DCUN1D5: variants seen among roughly 807,000 people sequenced by gnomAD.
DCUN1D5 encodes DCN1-like protein 5.
Under a neutral mutation model 38.3 loss-of-function variants are expected in DCUN1D5, and 10 were observed. The observed-to-expected ratio is 0.26, with a 90% CI of 0.16 to 0.44. The LOEUF is 0.44. Ranked by LOEUF, DCUN1D5 falls within the 20% of genes least tolerant of loss-of-function variation. The probability of loss-of-function intolerance (pLI) is 1.00; values close to 1 mark genes in which losing one functional copy is unlikely to be tolerated. For synonymous variants in DCUN1D5, 93 were observed against 90.9 expected (o/e 1.02, Z -0.13); for missense variants, 148 against 275.3 (o/e 0.54, Z 3.27).
chr11:103,072,561 C>T (rs1260373833), intron 4 of DCUN1D5, among the ~76,000 whole-genome samples: 1 of 152,032 alleles, frequency 6.6e-6, no homozygotes, highest in Non-Finnish European at 1.5e-5. Context: ...CACATACACA[C>T]CATGGAATAC....
At chr11:103,069,744 T>C (rs1862224935) in intron 4 of DCUN1D5, among the ~76,000 whole-genome samples, 1 of 152,198 alleles carries the variant, frequency 6.6e-6, no homozygotes, top group Non-Finnish European at 1.5e-5. Flanking sequence ...AGGGATATCC[T>C]TCCTTAGATG....
At position 103,062,358 on chromosome 11, in the gene DCUN1D5, G is replaced by C; in HGVS notation, c.*1C>G. 1 of 1,613,330 alleles carries C rather than the reference G, an allele frequency of 6.2e-7. No individual in the cohort carries two copies. On this transcript the variant is annotated 3_prime_UTR_variant, in exon 8 of 8. Transcript: ENST00000260247. The surrounding 1 kb of genome is among the most constrained non-coding windows in gnomAD (Gnocchi z 4.6). ...TTTGCATTTTCTTCACATAGTTCTT[G>C]CTATGATGTCTGACGGACTTTTTGC...
intron 4 of DCUN1D5, among the ~76,000 whole-genome samples, chr11:103,067,322 C>G (rs1434908950): frequency 6.6e-6 from 1 of 152,154 alleles, no homozygotes; most frequent in African/African-American, 2.4e-5. Flanking sequence ...TGGCACAAAT[C>G]TCTAGTTTCA....
intron 4 of DCUN1D5, among the ~76,000 whole-genome samples, chr11:103,067,629 T>C (rs7932736): frequency 0.12 from 18,682 of 152,202 alleles, 1,194 homozygotes; most frequent in African/African-American, 0.14. Context: ...ACTAAGACTA[T>C]ACTAAATCAA....
chr11:103,082,656 T>C (rs1338727460), intron 4 of DCUN1D5, 92 bp downstream of exon 4: 3 of 841,160 alleles, frequency 3.6e-6, no homozygotes, highest in Non-Finnish European at 5.7e-6. Context: ...TGATTTAAGG[T>C]GAAACCTTAC....
Position 103,064,453 on chromosome 11 carries a change from T to C in DCUN1D5, c.556-76A>G, listed in dbSNP as rs780205684. On this transcript the variant is annotated intron_variant, in intron 6 of 7. Coordinates refer to ENST00000260247, the MANE Select transcript of DCUN1D5 (RefSeq NM_032299.4). The surrounding 1 kb of genome is among the most constrained non-coding windows in gnomAD (Gnocchi z 4.5). Reference sequence around the variant, plus strand: ...TTACTCAATTTAGTAAACTAAGTTTTAACTGTTTTTGTGATTTGGTTTTTT... The same window carrying C: ...TTACTCAATTTAGTAAACTAAGTTTCAACTGTTTTTGTGATTTGGTTTTTT... 8.6e-7 allele frequency: 1 copy of C among 1,164,836 alleles called. No individual in the cohort carries two copies. Among genetic ancestry groups the C allele is most frequent in the Non-Finnish European group, 1.2e-6 (1 of 848,682 alleles). The allele number at this position is 1,164,836 out of a possible 1,614,324, so 72.2% of individuals were successfully genotyped here.
At position 103,052,888 on chromosome 11, in the gene DCUN1D5, A is replaced by C. The variant is rs79333291; in HGVS notation, c.*9471T>G. On this transcript the variant is annotated 3_prime_UTR_variant, in exon 8 of 8. Coordinates refer to ENST00000260247, the MANE Select transcript of DCUN1D5 (RefSeq NM_032299.4). ...TTTGATGTCAAGGTGCAAATGTGCA[A>C]GTAGTGGTTTTTAAAACCTGCTATT... 9 of 152,340 alleles carry C rather than the reference A, an allele frequency of 5.9e-5. No individual in the cohort carries two copies. In the East Asian group the frequency reaches 1.5e-3, roughly 26 times the overall value. The allele number at this position is 152,340 out of a possible 1,614,324, so 9.4% of individuals were successfully genotyped here.
At position 103,061,486 on chromosome 11, in the gene DCUN1D5, T is replaced by C. The variant is rs1367425892; in HGVS notation, c.*873A>G. Among the ~76,000 whole-genome samples the C allele has an allele frequency of 2.6e-5, 4 of 151,864 alleles. No homozygotes were observed. Among genetic ancestry groups the C allele is most frequent in the Admixed American group, 2.0e-4 (3 of 15,232 alleles). On this transcript the variant is annotated 3_prime_UTR_variant, in exon 8 of 8. Transcript: ENST00000260247. The stretch of plus-strand genomic sequence containing the variant: ...TACCAACGTAAATGGCTCTATTGAG[T>C]TGTGCACAATTAATTATACCCAGAG...
In DCUN1D5 at chr11:103,062,311, T is replaced by C. The variant is rs2134599222; in HGVS notation, c.*48A>G. On this transcript the variant is annotated 3_prime_UTR_variant, in exon 8 of 8. Transcript: ENST00000260247. The surrounding 1 kb of genome is among the most constrained non-coding windows in gnomAD (Gnocchi z 4.6). ...TTTTCCCCCTCATCACATTAGCTTG[T>C]ATACACGTGGGAATTGAAAGGTTTG... is the stretch of plus-strand genomic sequence containing the variant. 2 of 1,576,894 alleles carry C rather than the reference T, an allele frequency of 1.3e-6. No individual in the cohort carries two copies. The highest frequency in any genetic ancestry group is 1.1e-5 in the South Asian group (1 of 90,216).
chr11:103,062,229 G>T lies in DCUN1D5; in HGVS notation c.*130C>A. 1.2e-6 allele frequency: 1 copy of T among 868,400 alleles called. No individual in the cohort carries two copies. The highest frequency in any genetic ancestry group is 1.6e-5 in the South Asian group (1 of 62,434). The allele number at this position is 868,400 out of a possible 1,614,324, so 53.8% of individuals were successfully genotyped here. A position where few individuals can be genotyped will look rare whatever the true frequency, so the allele number is the denominator to read the frequency against. ...CAAGAAAAACCTCCTTTAAAAAAAG[G>T]AAAAAAAAGTACTATGAGAAGTCTT... On this transcript the variant is annotated 3_prime_UTR_variant, in exon 8 of 8. Coordinates refer to ENST00000260247, the MANE Select transcript of DCUN1D5 (RefSeq NM_032299.4). The surrounding 1 kb of genome is among the most constrained non-coding windows in gnomAD (Gnocchi z 4.6).
At position 103,066,161 on chromosome 11, in the gene DCUN1D5, T is replaced by C; in HGVS notation, c.555+108A>G. 1 of 641,628 alleles carries C rather than the reference T, an allele frequency of 1.6e-6. No individual in the cohort carries two copies. Among genetic ancestry groups the C allele is most frequent in the East Asian group, 3.0e-5 (1 of 32,976 alleles). 39.7% of individuals were successfully genotyped at this position (641,628 alleles called of 1,614,324 possible). A position where few individuals can be genotyped will look rare whatever the true frequency, so the allele number is the denominator to read the frequency against. ...TGTACATATTTTAGAATTTTTTCTCTAAAGTTTTTTTAAAGCATACTATTA... is the reference window on the plus strand; with the variant it reads ...TGTACATATTTTAGAATTTTTTCTCCAAAGTTTTTTTAAAGCATACTATTA... On this transcript the variant is annotated intron_variant, in intron 6 of 7. Transcript: ENST00000260247. The surrounding 1 kb of genome is among the most constrained non-coding windows in gnomAD (Gnocchi z 4.7).
chr11:103,078,698 T>G lies in DCUN1D5; in HGVS notation c.341+4050A>C, dbSNP rs1419010349. Among the ~76,000 whole-genome samples the G allele has an allele frequency of 6.6e-6, 1 of 152,210 alleles. No individual in the cohort carries two copies. Among genetic ancestry groups the G allele is most frequent in the Non-Finnish European group, 1.5e-5 (1 of 68,024 alleles). ...CTATCCTGGCAATTTTTTTATGTAC[T>G]TTACAATTTTAAGAAATCAAACTAC... On this transcript the variant is annotated intron_variant, in intron 4 of 7. Coordinates refer to ENST00000260247, the MANE Select transcript of DCUN1D5 (RefSeq NM_032299.4). This position sits in a 1 kb window ranked among gnomAD's most constrained non-coding sequence, Gnocchi z 4.6.
chr11:103,088,819 TGTTA>T (rs1460405675), intron 2 of DCUN1D5, among the ~76,000 whole-genome samples: 1 of 152,190 alleles, frequency 6.6e-6, no homozygotes, highest in Non-Finnish European at 1.5e-5. Flanking sequence ...TTTCAGAAAA[TGTTA>T]GTTCAGAAAA....
At position 103,065,621 on chromosome 11, in the gene DCUN1D5, T is replaced by C. The variant is rs1862116176; in HGVS notation, c.555+648A>G. On this transcript the variant is annotated intron_variant, in intron 6 of 7. Transcript: ENST00000260247. The surrounding 1 kb of genome is among the most constrained non-coding windows in gnomAD (Gnocchi z 4.6). Reference sequence around the variant, plus strand: ...AGAATTACAAAGGCACAAAAACAGATTTAAAAAAAAAAAACTAGACAAAGC... The same window carrying C: ...AGAATTACAAAGGCACAAAAACAGACTTAAAAAAAAAAAACTAGACAAAGC... 6.6e-6 allele frequency among the ~76,000 whole-genome samples: 1 copy of C among 151,324 alleles called. No homozygotes were observed. The highest frequency in any genetic ancestry group is 1.5e-5 in the Non-Finnish European group (1 of 67,842).
rs1398664713 is a variant in DCUN1D5 at position 103,058,285 on chromosome 11, C to G, written c.*4074G>C. On this transcript the variant is annotated 3_prime_UTR_variant, in exon 8 of 8. Coordinates refer to ENST00000260247, the MANE Select transcript of DCUN1D5 (RefSeq NM_032299.4). ...AATGGTCACACCAATAACAACTGGT[C>G]AGGAAAAGGAGCAAAGGAAACACTA... Among the ~76,000 whole-genome samples the G allele has an allele frequency of 2.6e-5, 4 of 152,080 alleles. No homozygotes were observed. Among genetic ancestry groups the G allele is most frequent in the Non-Finnish European group, 4.4e-5 (3 of 68,008 alleles).
chr11:103,066,259 A>G lies in DCUN1D5; in HGVS notation c.555+10T>C. 1 of 1,508,746 alleles carries G rather than the reference A, an allele frequency of 6.6e-7. No individual in the cohort carries two copies. The highest frequency in any genetic ancestry group is 8.9e-7 in the Non-Finnish European group (1 of 1,119,746). 93.5% of individuals were successfully genotyped at this position (1,508,746 alleles called of 1,614,324 possible). A position where few individuals can be genotyped will look rare whatever the true frequency, so the allele number is the denominator to read the frequency against. ...AATAATATTTTCAAAATTCGAAAAA[A>G]CATACGTACCTCCAGGTACTGGTAA... On this transcript the variant is annotated intron_variant, in intron 6 of 7. Transcript: ENST00000260247. The surrounding 1 kb of genome is among the most constrained non-coding windows in gnomAD (Gnocchi z 4.7).
At position 103,050,967 on chromosome 11, in the gene DCUN1D5, G is replaced by C. The variant is rs1446061601; in HGVS notation, c.*11392C>G. ...TAAAAATAATCAGACCCAGAATAAGGGGGGAAACCCTCCATGTCTACAGGA... is the reference window on the plus strand; with the variant it reads ...TAAAAATAATCAGACCCAGAATAAGCGGGGAAACCCTCCATGTCTACAGGA... On this transcript the variant is annotated 3_prime_UTR_variant, in exon 8 of 8. Transcript: ENST00000260247. 1.3e-5 allele frequency: 2 copies of C among 152,156 alleles called. No individual in the cohort carries two copies. Among genetic ancestry groups the C allele is most frequent in the African/African-American group, 4.8e-5 (2 of 41,438 alleles). The allele number at this position is 152,156 out of a possible 1,614,324, so 9.4% of individuals were successfully genotyped here.
chr11:103,070,192 A>G (rs1403817041), intron 4 of DCUN1D5, among the ~76,000 whole-genome samples: 1 of 152,154 alleles, frequency 6.6e-6, no homozygotes, highest in Admixed American at 6.5e-5. Context: ...ACTGTAAAAT[A>G]CAAGGTAGCC....
intron 4 of DCUN1D5, among the ~76,000 whole-genome samples, chr11:103,081,196 C>T (rs1007222702): frequency 2.6e-5 from 4 of 152,098 alleles, no homozygotes; most frequent in African/African-American, 9.7e-5. Flanking sequence ...TAAAAATATA[C>T]AGCCACTTGT....
Sources: gnomAD v4.1 joint callset for allele counts (sites outside exome capture counted in the v4.1 genomes callset) on GRCh38, gnomAD v4.1.1 for gene constraint, Gnocchi (gnomAD v3.1) non-coding constraint, MANE v1.5 for transcripts, NCBI Gene and HGNC (gene_info 2026-07-23, HGNC 2026-07-21) for gene names.